The following AMZ1 variants were observed in gnomAD, a reference collection of about 807,000 sequenced individuals.
AMZ1 encodes the protein archaelysin family metallopeptidase 1.
AMZ1 carries 39 observed loss-of-function variants against 29.9 expected under a neutral mutation model. The observed-to-expected ratio is 1.30, with a 90% CI of 1.01 to 1.70. AMZ1 has a LOEUF of 1.70. AMZ1 is among the 40% of genes most tolerant of loss of function. The pLI, the probability that AMZ1 is intolerant of heterozygous loss-of-function variation, is 0.00. For missense variants in AMZ1, 1,041 were observed against 680.6 expected (o/e 1.53, Z -5.89); for synonymous variants, 458 against 304.0 (o/e 1.51, Z -5.27).
intron 4 of AMZ1, among the ~76,000 whole-genome samples, chr7:2,737,274 GTTTTTTTTTTTTTTGT>G (rs1359099694): frequency 6.3e-4 from 22 of 35,046 alleles, no homozygotes; most frequent in African/African-American, 8.9e-4. Context: ...GTTTTGTTTT[GTTTTTTTTTTTTTTGT>G]TTTTTTTTTT....
At chr7:2,706,229 G>T (rs1028011703) in intron 3 of AMZ1, among the ~76,000 whole-genome samples, 1 of 152,192 alleles carries the variant, frequency 6.6e-6, no homozygotes, top group African/African-American at 2.4e-5. Context: ...AGGCTCAAGC[G>T]CAGTGGTGCG....
chr7:2,728,555 GATCTT>G (rs1228863251), intron 4 of AMZ1: 9 of 152,482 alleles, frequency 5.9e-5, no homozygotes, highest in Admixed American at 4.6e-4. Flanking sequence ...ATGAGGAACA[GATCTT>G]ATTTTGAGGA....
At chr7:2,689,370 T>TC (rs1554244929) in intron 1 of AMZ1, among the ~76,000 whole-genome samples, 1 of 149,566 alleles carries the variant, frequency 6.7e-6, no homozygotes, top group African/African-American at 2.4e-5. Flanking sequence ...AGAACCTCCC[T>TC]GGGGGGGGGA....
chr7:2,751,975 G>C (rs192404225), intron 4 of AMZ1, among the ~76,000 whole-genome samples: 7 of 152,118 alleles, frequency 4.6e-5, no homozygotes, highest in African/African-American at 1.7e-4. Flanking sequence ...AATCAAAGAG[G>C]AAGAAATAAT....
At chr7:2,758,139 T>C (rs1402605101) in intron 4 of AMZ1, among the ~76,000 whole-genome samples, 1 of 152,166 alleles carries the variant, frequency 6.6e-6, no homozygotes, top group African/African-American at 2.4e-5. Flanking sequence ...TACTATCCTA[T>C]TCTTAAACAA....
downstream of AMZ1, among the ~76,000 whole-genome samples, chr7:2,720,772 C>G (rs1049512725): frequency 2.6e-5 from 4 of 151,842 alleles, no homozygotes; most frequent in Non-Finnish European, 4.4e-5. Flanking sequence ...AATGCCTGGG[C>G]TCAAGCGACT....
intron 2 of AMZ1, among the ~76,000 whole-genome samples, chr7:2,701,630 C>T (rs1405922995): frequency 6.6e-6 from 1 of 152,330 alleles, no homozygotes; most frequent in East Asian, 1.9e-4. Context: ...AGCAGCCTGG[C>T]AGAGACAGCA....
At chr7:2,743,282 C>G (rs1475311290) in intron 4 of AMZ1, among the ~76,000 whole-genome samples, 1 of 152,168 alleles carries the variant, frequency 6.6e-6, no homozygotes, top group African/African-American at 2.4e-5. Context: ...AGTTAAATGT[C>G]TGCTAAAGCA....
chr7:2,760,798 G>C (rs988189924), upstream of AMZ1, among the ~76,000 whole-genome samples: 1 of 152,234 alleles, frequency 6.6e-6, no homozygotes, highest in Admixed American at 6.5e-5. Context: ...GACCGTCCCA[G>C]CTGCGTGGCT....
chr7:2,691,730 CAAAA>C (rs55752807), intron 1 of AMZ1, among the ~76,000 whole-genome samples: 6 of 84,634 alleles, frequency 7.1e-5, no homozygotes, highest in South Asian at 4.0e-4. Context: ...GGCTCCGTCT[CAAAA>C]AAAAAAAAAA....
chr7:2,723,327 C>A (rs761485064), downstream of AMZ1, among the ~76,000 whole-genome samples: 2 of 152,218 alleles, frequency 1.3e-5, no homozygotes, highest in Non-Finnish European at 2.9e-5. Flanking sequence ...TGCATCCAGA[C>A]AGCCTGGGTG....
At chr7:2,740,276 T>G (rs1054141944) in intron 4 of AMZ1, among the ~76,000 whole-genome samples, 1 of 152,190 alleles carries the variant, frequency 6.6e-6, no homozygotes, top group Non-Finnish European at 1.5e-5. Context: ...GTGGAAGCCC[T>G]ACCTGCAGTG....
At chr7:2,710,196 G>T (rs1788680347) in intron 6 of AMZ1, among the ~76,000 whole-genome samples, 1 of 139,738 alleles carries the variant, frequency 7.2e-6, no homozygotes, top group Non-Finnish European at 1.5e-5. Context: ...CTGCTCAGAG[G>T]AGGCACAGGC....
intron 4 of AMZ1, among the ~76,000 whole-genome samples, chr7:2,739,816 C>T (rs550970795): frequency 4.6e-5 from 7 of 152,226 alleles, no homozygotes; most frequent in African/African-American, 7.2e-5. Flanking sequence ...GGATTACAGG[C>T]GTGCGCCACC....
chr7:2,719,204 G>A lies in AMZ1; in HGVS notation c.*6326G>A, dbSNP rs1158601216. Among the ~76,000 whole-genome samples, 3 of 152,190 alleles carry A rather than the reference G, an allele frequency of 2.0e-5. No individual in the cohort carries two copies. Among genetic ancestry groups the A allele is most frequent in the Non-Finnish European group, 4.4e-5 (3 of 68,024 alleles). The stretch of plus-strand genomic sequence containing the variant: ...AACTCCTCCGACAGAACGGCAGGTG[G>A]CCCCTGTCGGAAGGGGGGTGTCTCT... On this transcript the variant is annotated 3_prime_UTR_variant, in exon 7 of 7. Transcript: ENST00000683327.
intron 4 of AMZ1, among the ~76,000 whole-genome samples, chr7:2,747,013 T>A (rs906895235): frequency 6.6e-5 from 10 of 152,162 alleles, no homozygotes; most frequent in Non-Finnish European, 1.0e-4. Context: ...GCTCTGAAAT[T>A]GAGGCAATAA....
intron 3 of AMZ1, among the ~76,000 whole-genome samples, chr7:2,706,735 A>G (rs1788374499): frequency 6.6e-6 from 1 of 151,582 alleles, no homozygotes; most frequent in Non-Finnish European, 1.5e-5. Context: ...ATCTGCACAG[A>G]TCCTGTTTCC....
chr7:2,696,991 C>T (rs888165312), intron 1 of AMZ1, among the ~76,000 whole-genome samples: 3 of 152,188 alleles, frequency 2.0e-5, no homozygotes, highest in African/African-American at 7.2e-5. Flanking sequence ...TTCAAACATC[C>T]ACATGTGGAA....
chr7:2,700,701 C>G lies in AMZ1; in HGVS notation c.250C>G (p.Leu84Val). The G allele has an allele frequency of 6.2e-7, 1 of 1,613,216 alleles. No individual in the cohort carries two copies. The change falls in exon 2 of 7, where the codon CTG (leucine) becomes GTG (valine). Residue 84 changes from leucine (L) to valine (V), a missense_variant. Physicochemically the swap from Leu to Val is conservative, Grantham distance 32 (BLOSUM62 1). Transcript: ENST00000683327. ...GGACTTCCAGACCTTCCACGCCTCCCTGCAGCACCGGAAGCCCCGCCTGGC... is the reference window on the plus strand; with the variant it reads ...GGACTTCCAGACCTTCCACGCCTCCGTGCAGCACCGGAAGCCCCGCCTGGC... ...PEDFQTFHASLQHRKPRLARK... is the reference protein window; with the variant it reads ...PEDFQTFHASVQHRKPRLARK...
Sources: gnomAD v4.1 joint callset for allele counts (sites outside exome capture counted in the v4.1 genomes callset) on GRCh38, gnomAD v4.1.1 for gene constraint, MANE v1.5 for transcripts, NCBI Gene and HGNC (gene_info 2026-07-23, HGNC 2026-07-21) for gene names.